ATF7IP: variants seen among roughly 807,000 people sequenced by gnomAD.
ATF7IP encodes the protein activating transcription factor 7-interacting protein 1.
A neutral mutation model predicts 106.4 loss-of-function variants in ATF7IP; 23 were observed. The ratio of observed to expected loss-of-function variants is 0.22; its 90% CI spans 0.16 to 0.31. The LOEUF (loss-of-function observed/expected upper bound fraction) is 0.31, where lower values mean the gene tolerates loss of function less well. Among genes scored for constraint, ATF7IP ranks in the 10% least tolerant of loss-of-function variants. ATF7IP has a pLI of 1.00. For missense variants in ATF7IP, 1,334 were observed against 1,524.3 expected (o/e 0.88, Z 2.08); for synonymous variants, 542 against 539.0 (o/e 1.01, Z -0.08).
rs759038244 is a variant in ATF7IP at position 14,460,877 on chromosome 12, T to C, written c.2541T>C (p.Val847=). ...CAAATCCCACTAAACCAAACAACGT[T>C]CCTTCTGTGCCCAGTCCTAGTATTC... The part of the protein sequence containing the change: ...SLPNPTKPNN[V]PSVPSPSIQR... Residue 847 remains valine (V), a synonymous_variant, in exon 9 of 15, where the codon GTT becomes GTC. Transcript: ENST00000261168. The C allele has an allele frequency of 1.6e-5, 26 of 1,614,032 alleles. No homozygotes were observed. The Middle Eastern group carries it at 8.2e-4, about 51-fold the overall frequency.
intron 1 of ATF7IP, among the ~76,000 whole-genome samples, chr12:14,387,332 A>T (rs1226034136): frequency 6.6e-6 from 1 of 151,482 alleles, no homozygotes; most frequent in Non-Finnish European, 1.5e-5. Context: ...GATCACTCTT[A>T]TTTTCATGCC....
chr12:14,460,384 T>C lies in ATF7IP; in HGVS notation c.2159-111T>C, dbSNP rs1591912485. On this transcript the variant is annotated intron_variant, in intron 8 of 14. Transcript: ENST00000261168. ...AAAAAAATTTCATGATAAAAGACTT[T>C]ACAGTCTTTGCAATGTATTACGCAA... 6 of 1,089,544 alleles carry C rather than the reference T, an allele frequency of 5.5e-6. No individual in the cohort carries two copies. The East Asian group carries it at 1.5e-4, about 27-fold the overall frequency. The allele number at this position is 1,089,544 out of a possible 1,614,324, so 67.5% of individuals were successfully genotyped here.
intron 8 of ATF7IP, among the ~76,000 whole-genome samples, 168 bp downstream of exon 8, chr12:14,457,463 G>A (rs1226696023): frequency 2.6e-5 from 4 of 152,150 alleles, no homozygotes; most frequent in African/African-American, 4.8e-5. Context: ...GGTGGCACAT[G>A]CTTATAGTCT....
At chr12:14,414,693 A>C (rs758989703) in intron 1 of ATF7IP, among the ~76,000 whole-genome samples, 1 of 152,116 alleles carries the variant, frequency 6.6e-6, no homozygotes, top group East Asian at 1.9e-4. Flanking sequence ...AAAAGTATAC[A>C]GTTATTAGCC....
At chr12:14,371,007 T>C (rs1264402731) in intron 1 of ATF7IP, among the ~76,000 whole-genome samples, 2 of 151,980 alleles carry the variant, frequency 1.3e-5, no homozygotes, top group Non-Finnish European at 2.9e-5. Context: ...TATTTTAGTT[T>C]CCTTGGTATC....
At chr12:14,472,183 C>T (rs1944073877) in intron 10 of ATF7IP, among the ~76,000 whole-genome samples, 2 of 152,056 alleles carry the variant, frequency 1.3e-5, no homozygotes, top group Non-Finnish European at 2.9e-5. Context: ...TGACTTATTA[C>T]CCTGCCCCTA....
chr12:14,494,932 CAAAAAAAAAAAA>C (rs34929652), intron 13 of ATF7IP, among the ~76,000 whole-genome samples: 1 of 79,144 alleles, frequency 1.3e-5, no homozygotes, highest in African/African-American at 4.9e-5. Flanking sequence ...GACTCTGTCT[CAAAAAAAAAAAA>C]AAAAAAAAAA....
intron 12 of ATF7IP, among the ~76,000 whole-genome samples, chr12:14,479,241 A>G (rs898741539): frequency 5.3e-5 from 8 of 152,226 alleles, no homozygotes; most frequent in African/African-American, 1.9e-4. Context: ...CCAAGAAGTT[A>G]TAACTGACTG....
Position 14,478,427 on chromosome 12 carries a change from CCAA to C in ATF7IP, c.3056_3058del (p.Thr1019del). Reference sequence around the variant, plus strand: ...ACCGCCTCTTCAACCATCTGGGGTGCCAACAAGTGGACCATCTCAGACCACCAT... The same window carrying C: ...ACCGCCTCTTCAACCATCTGGGGTGCCAAGTGGACCATCTCAGACCACCAT... On this transcript the variant is annotated inframe_deletion, in exon 12 of 15. Transcript: ENST00000261168. 1 of 1,614,048 alleles carries C rather than the reference CCAA, an allele frequency of 6.2e-7. No homozygotes were observed.
chr12:14,383,960 T>C (rs1447344236), intron 1 of ATF7IP, among the ~76,000 whole-genome samples: 1 of 152,178 alleles, frequency 6.6e-6, no homozygotes, highest in Non-Finnish European at 1.5e-5. Context: ...TTTTTTCTGA[T>C]ATACTGAAGT....
At chr12:14,371,205 A>G (rs1385808984) in intron 1 of ATF7IP, among the ~76,000 whole-genome samples, 1 of 152,106 alleles carries the variant, frequency 6.6e-6, no homozygotes, top group Non-Finnish European at 1.5e-5. Context: ...TATTGCCAAA[A>G]TAACATTTTT....
At chr12:14,401,762 G>C (rs1290784095) in intron 1 of ATF7IP, among the ~76,000 whole-genome samples, 1 of 140,920 alleles carries the variant, frequency 7.1e-6, no homozygotes, top group Admixed American at 7.4e-5. Flanking sequence ...GTGTCGCTCA[G>C]GCTGGAGTGC....
intron 2 of ATF7IP, among the ~76,000 whole-genome samples, chr12:14,426,132 T>C (rs1941836625): frequency 6.6e-6 from 1 of 152,210 alleles, no homozygotes; most frequent in Admixed American, 6.5e-5. Context: ...TACTTTTAGG[T>C]TGATTTCAAA....
intron 12 of ATF7IP, among the ~76,000 whole-genome samples, chr12:14,479,838 T>C (rs1944379448): frequency 6.6e-6 from 1 of 152,150 alleles, no homozygotes; most frequent in South Asian, 2.1e-4. Context: ...TTGTTCTATC[T>C]AAATAGGCAG....
chr12:14,396,805 AG>A (rs1565480087), intron 1 of ATF7IP, among the ~76,000 whole-genome samples: 1 of 152,190 alleles, frequency 6.6e-6, no homozygotes, highest in Non-Finnish European at 1.5e-5. Context: ...TAGCAAAGAA[AG>A]ATGAGGGATA....
At chr12:14,375,230 CAT>C (rs758890363) in intron 1 of ATF7IP, among the ~76,000 whole-genome samples, 6 of 150,736 alleles carry the variant, frequency 4.0e-5, no homozygotes, top group African/African-American at 1.5e-4. Context: ...TTTAATCAAA[CAT>C]GTAATTTACT....
At chr12:14,407,128 T>G (rs1478002002) in intron 1 of ATF7IP, among the ~76,000 whole-genome samples, 1 of 152,210 alleles carries the variant, frequency 6.6e-6, no homozygotes, top group Non-Finnish European at 1.5e-5. Flanking sequence ...GTGTTTAGGC[T>G]TTCGTAGTGT....
chr12:14,413,225 ATTCTT>A (rs888095417), intron 1 of ATF7IP, among the ~76,000 whole-genome samples: 46 of 152,118 alleles, frequency 3.0e-4, no homozygotes, highest in African/African-American at 1.1e-3. Flanking sequence ...ATCCTCTTCT[ATTCTT>A]AGTTGGTTGA....
chr12:14,376,079 C>A (rs1487621830), intron 1 of ATF7IP, among the ~76,000 whole-genome samples: 1 of 152,138 alleles, frequency 6.6e-6, no homozygotes, highest in East Asian at 1.9e-4. Flanking sequence ...AAACGCCACA[C>A]GATTACTAAA....
Sources: gnomAD v4.1 joint callset for allele counts (sites outside exome capture counted in the v4.1 genomes callset) on GRCh38, gnomAD v4.1.1 for gene constraint, MANE v1.5 for transcripts, NCBI Gene and HGNC (gene_info 2026-07-23, HGNC 2026-07-21) for gene names.